Variants in ADAM23 observed in about 807,000 individuals in gnomAD.
The protein encoded by ADAM23 is ADAM metallopeptidase domain 23.
In ADAM23, 33 loss-of-function variants were observed where a neutral mutation model predicts 120.1. The observed-to-expected ratio is 0.27, with a 90% confidence interval of 0.21 to 0.37. The LOEUF (loss-of-function observed/expected upper bound fraction) is 0.37, where lower values mean the gene tolerates loss of function less well. Among genes scored for constraint, ADAM23 ranks in the 10% least tolerant of loss-of-function variants. ADAM23 has a pLI of 1.00. For missense variants in ADAM23, 862 were observed against 1,058.2 expected (o/e 0.81, Z 2.57); for synonymous variants, 367 against 375.2 (o/e 0.98, Z 0.25).
At chr2:206,459,649 A>G (rs1044917150) in intron 2 of ADAM23, among the ~76,000 whole-genome samples, 6 of 152,196 alleles carry the variant, frequency 3.9e-5, no homozygotes, top group Non-Finnish European at 8.8e-5. Context: ...ATATCCAACT[A>G]TTTAACCTAT....
intron 2 of ADAM23, among the ~76,000 whole-genome samples, chr2:206,479,427 G>GTA (rs1695849673): frequency 6.6e-6 from 1 of 152,046 alleles, no homozygotes. Context: ...CATCTCTACT[G>GTA]TATAATATTC....
chr2:206,481,740 G>A (rs1384286727), intron 3 of ADAM23, among the ~76,000 whole-genome samples: 4 of 152,136 alleles, frequency 2.6e-5, no homozygotes, highest in Non-Finnish European at 5.9e-5. Context: ...TACCTATTTT[G>A]AGAAGATTCT....
At chr2:206,493,078 A>G (rs1159035606) in intron 3 of ADAM23, among the ~76,000 whole-genome samples, 1 of 152,330 alleles carries the variant, frequency 6.6e-6, no homozygotes, top group East Asian at 1.9e-4. Context: ...GAACTGGCTC[A>G]TTAAGACTCT....
chr2:206,456,015 G>A (rs530336056), intron 2 of ADAM23, among the ~76,000 whole-genome samples: 1 of 151,926 alleles, frequency 6.6e-6, no homozygotes, highest in Non-Finnish European at 1.5e-5. Context: ...CACATTTTCC[G>A]GTTTCTTTAT....
chr2:206,475,142 C>T (rs1695750174), intron 2 of ADAM23, among the ~76,000 whole-genome samples: 1 of 152,100 alleles, frequency 6.6e-6, no homozygotes, highest in African/African-American at 2.4e-5. Flanking sequence ...GTCTGCTGTA[C>T]CAATTGCATG....
chr2:206,527,366 C>A (rs1258708930), intron 3 of ADAM23, among the ~76,000 whole-genome samples: 4 of 152,164 alleles, frequency 2.6e-5, no homozygotes, highest in Non-Finnish European at 5.9e-5. Flanking sequence ...CATAGATTAC[C>A]GGTTCCTTCC....
intron 24 of ADAM23, among the ~76,000 whole-genome samples, chr2:206,600,255 G>A (rs1027894872): frequency 2.6e-5 from 4 of 152,138 alleles, no homozygotes; most frequent in Non-Finnish European, 4.4e-5. Context: ...GATCCAACTG[G>A]TTTGGTTGGC....
intron 3 of ADAM23, among the ~76,000 whole-genome samples, chr2:206,498,584 G>A (rs1696310361): frequency 6.6e-6 from 1 of 152,170 alleles, no homozygotes; most frequent in South Asian, 2.1e-4. Context: ...TCAGGACAGA[G>A]GCATGGGCAA....
chr2:206,540,068 G>C (rs1697258708), intron 4 of ADAM23, among the ~76,000 whole-genome samples: 1 of 152,146 alleles, frequency 6.6e-6, no homozygotes, highest in Non-Finnish European at 1.5e-5. Flanking sequence ...TGTAATCCCA[G>C]CTACTCAGGA....
At chr2:206,596,922 T>G (rs1698538706) in intron 24 of ADAM23, among the ~76,000 whole-genome samples, 1 of 128,024 alleles carries the variant, frequency 7.8e-6, no homozygotes, top group Non-Finnish European at 1.7e-5. Context: ...TTTTTTTTTT[T>G]TTTGAGACAG....
At chr2:206,599,817 T>A (rs568169183) in intron 24 of ADAM23, among the ~76,000 whole-genome samples, 1 of 152,148 alleles carries the variant, frequency 6.6e-6, no homozygotes, top group Admixed American at 6.5e-5. Flanking sequence ...TGCCGACGAG[T>A]AATAGGTAAT....
intron 2 of ADAM23, among the ~76,000 whole-genome samples, chr2:206,451,483 G>A (rs546602392): frequency 1.3e-5 from 2 of 152,282 alleles, no homozygotes; most frequent in African/African-American, 2.4e-5. Context: ...CAGGTGATCC[G>A]CCCACTTTGG....
chr2:206,523,971 A>G (rs979577830), intron 3 of ADAM23, among the ~76,000 whole-genome samples: 1 of 152,108 alleles, frequency 6.6e-6, no homozygotes, highest in Non-Finnish European at 1.5e-5. Context: ...CAGTGACAGC[A>G]TTGGTTGTCA....
At position 206,619,660 on chromosome 2, in the gene ADAM23, T is replaced by G. The variant is rs1361330877; in HGVS notation, c.*2033T>G. The G allele has an allele frequency of 1.3e-5, 2 of 152,162 alleles. No homozygotes were observed. The highest frequency in any genetic ancestry group is 4.8e-5 in the African/African-American group (2 of 41,436). The allele number at this position is 152,162 out of a possible 1,614,324, so 9.4% of individuals were successfully genotyped here. A position where few individuals can be genotyped will look rare whatever the true frequency, so the allele number is the denominator to read the frequency against. ...AACTTTGATTTTGGAAAGTATTATGTCCTAAAAATGCACTGCTTAACACAG... is the reference window on the plus strand; with the variant it reads ...AACTTTGATTTTGGAAAGTATTATGGCCTAAAAATGCACTGCTTAACACAG... On this transcript the variant is annotated 3_prime_UTR_variant, in exon 26 of 26. Transcript: ENST00000264377.
intron 24 of ADAM23, among the ~76,000 whole-genome samples, chr2:206,605,231 C>T (rs1445652652): frequency 6.6e-6 from 1 of 152,212 alleles, no homozygotes; most frequent in Admixed American, 6.5e-5. Context: ...TGTCTAAATA[C>T]TATGACAGAA....
chr2:206,600,532 C>G (rs969350775), intron 24 of ADAM23, among the ~76,000 whole-genome samples: 1 of 152,158 alleles, frequency 6.6e-6, no homozygotes, highest in African/African-American at 2.4e-5. Flanking sequence ...CCCTTTGGAT[C>G]AAGACCAAAT....
At chr2:206,571,410 G>A (rs944107504) in intron 16 of ADAM23, among the ~76,000 whole-genome samples, 2 of 152,164 alleles carry the variant, frequency 1.3e-5, no homozygotes, top group Non-Finnish European at 2.9e-5. Flanking sequence ...GGGAGGCGGA[G>A]GTTGCAGTGA....
chr2:206,558,358 T>C (rs1168083928), intron 10 of ADAM23, among the ~76,000 whole-genome samples: 1 of 152,220 alleles, frequency 6.6e-6, no homozygotes, highest in Non-Finnish European at 1.5e-5. Context: ...CACCATTTTT[T>C]ATAAGTTGCC....
chr2:206,620,763 G>A lies in ADAM23; in HGVS notation c.*3136G>A, dbSNP rs990180412. On this transcript the variant is annotated 3_prime_UTR_variant, in exon 26 of 26. Transcript: ENST00000264377. ...CTAGATAACTGAGCAGTACACATAA[G>A]TGCATGTTATGAAACATGAATCACA... The A allele has an allele frequency of 3.3e-5, 5 of 152,156 alleles. No individual in the cohort carries two copies. The highest frequency in any genetic ancestry group is 7.3e-5 in the Non-Finnish European group (5 of 68,044). 9.4% of individuals were successfully genotyped at this position (152,156 alleles called of 1,614,324 possible).
Sources: gnomAD v4.1 joint callset for allele counts (sites outside exome capture counted in the v4.1 genomes callset) on GRCh38, gnomAD v4.1.1 for gene constraint, MANE v1.5 for transcripts, NCBI Gene and HGNC (gene_info 2026-07-23, HGNC 2026-07-21) for gene names.